MGMT: variants seen among roughly 807,000 people sequenced by gnomAD.
MGMT encodes the protein O-6-methylguanine-DNA methyltransferase.
In MGMT, 14 loss-of-function variants were observed where a neutral mutation model predicts 15.9. The observed-to-expected ratio is 0.88, with a 90% CI of 0.58 to 1.37. The LOEUF (loss-of-function observed/expected upper bound fraction) is 1.37. Among genes scored for constraint, MGMT ranks in the 40% most tolerant of loss-of-function variants. The pLI is 0.00. For synonymous variants in MGMT, 130 were observed against 118.2 expected, an observed-to-expected ratio of 1.10 and a Z score of -0.65; for missense variants, 282 against 268.1, an observed-to-expected ratio of 1.05 and a Z score of -0.36.
intron 3 of MGMT, among the ~76,000 whole-genome samples, chr10:129,710,319 G>T (rs1848217214): frequency 6.6e-6 from 1 of 152,258 alleles, no homozygotes; most frequent in South Asian, 2.1e-4. Flanking sequence ...GTTTTGGGAT[G>T]GTAGTGCGAC....
chr10:129,689,028 C>A (rs369568749), intron 2 of MGMT, among the ~76,000 whole-genome samples: 46 of 152,038 alleles, frequency 3.0e-4, no homozygotes, highest in African/African-American at 8.2e-4. Context: ...GTGGCAAGAT[C>A]TCAGCTCACT....
At chr10:129,762,158 G>A (rs1170413157) in intron 4 of MGMT, among the ~76,000 whole-genome samples, 2 of 152,168 alleles carry the variant, frequency 1.3e-5, no homozygotes, top group African/African-American at 2.4e-5. Flanking sequence ...GGAAGGCTGC[G>A]CACATCCACT....
chr10:129,687,669 G>A (rs1437359185), intron 2 of MGMT, among the ~76,000 whole-genome samples: 3 of 151,218 alleles, frequency 2.0e-5, no homozygotes, highest in South Asian at 4.2e-4. Flanking sequence ...TTCATTGTGG[G>A]CATGTCTGGG....
At chr10:129,604,961 C>T (rs1329433322) in intron 2 of MGMT, among the ~76,000 whole-genome samples, 5 of 152,108 alleles carry the variant, frequency 3.3e-5, no homozygotes, top group Non-Finnish European at 7.4e-5. Context: ...AAATGGGGGC[C>T]CCACTGTCTC....
At chr10:129,626,732 A>T (rs508303) in intron 2 of MGMT, among the ~76,000 whole-genome samples, 61,951 of 152,168 alleles carry the variant, frequency 0.41, 13,778 homozygotes, top group East Asian at 0.62. Context: ...TCTGCCTCTG[A>T]TAACACCGTG....
At chr10:129,657,951 T>C (rs1056721258) in intron 2 of MGMT, among the ~76,000 whole-genome samples, 6 of 152,166 alleles carry the variant, frequency 3.9e-5, no homozygotes, top group Non-Finnish European at 7.3e-5. Flanking sequence ...TTTCTTTGGC[T>C]GAGGAAATTC....
intron 1 of MGMT, among the ~76,000 whole-genome samples, chr10:129,535,256 G>A (rs1303104149): frequency 6.6e-6 from 1 of 152,092 alleles, no homozygotes; most frequent in Non-Finnish European, 1.5e-5. Flanking sequence ...GGCAATGGGA[G>A]GACAGAGGTA....
intron 2 of MGMT, among the ~76,000 whole-genome samples, chr10:129,539,855 T>G (rs973997597): frequency 3.3e-5 from 5 of 152,168 alleles, no homozygotes; most frequent in Non-Finnish European, 7.3e-5. Flanking sequence ...TCCTCTAAAT[T>G]TATTTATTTT....
At chr10:129,521,044 C>G (rs1845804361) in intron 1 of MGMT, among the ~76,000 whole-genome samples, 1 of 152,142 alleles carries the variant, frequency 6.6e-6, no homozygotes, top group Non-Finnish European at 1.5e-5. Context: ...CCTGCTGTCC[C>G]CGGATTCCTG....
At chr10:129,496,941 C>T (rs1845527702) in intron 1 of MGMT, among the ~76,000 whole-genome samples, 1 of 152,058 alleles carries the variant, frequency 6.6e-6, no homozygotes, top group African/African-American at 2.4e-5. Context: ...GATCCGCCTA[C>T]CTCAGCCTCC....
chr10:129,504,126 A>G (rs772017190), intron 1 of MGMT, among the ~76,000 whole-genome samples: 1 of 152,242 alleles, frequency 6.6e-6, no homozygotes, highest in Admixed American at 6.5e-5. Flanking sequence ...GCAGTAATTT[A>G]TAATAAAATA....
chr10:129,747,820 C>G (rs1848711104), intron 3 of MGMT, among the ~76,000 whole-genome samples: 1 of 152,118 alleles, frequency 6.6e-6, no homozygotes, highest in Non-Finnish European at 1.5e-5. Flanking sequence ...TTTAGATGGC[C>G]TAGACAGTGT....
At chr10:129,737,865 T>C (rs4526694) in intron 3 of MGMT, among the ~76,000 whole-genome samples, 84,276 of 151,866 alleles carry the variant, frequency 0.55, 23,616 homozygotes, top group Middle Eastern at 0.71. Context: ...TTAGGCTGCT[T>C]GAGGGTCAGG....
intron 2 of MGMT, among the ~76,000 whole-genome samples, chr10:129,684,985 A>C (rs1847889741): frequency 1.3e-5 from 2 of 152,192 alleles, no homozygotes; most frequent in Non-Finnish European, 2.9e-5. Context: ...GTTCTATGAC[A>C]GGCCCGAGTA....
At chr10:129,531,516 G>T (rs1025753167) in intron 1 of MGMT, among the ~76,000 whole-genome samples, 1 of 152,034 alleles carries the variant, frequency 6.6e-6, no homozygotes, top group African/African-American at 2.4e-5. Flanking sequence ...TGCTCGCCCG[G>T]TGTGCACACC....
At chr10:129,620,619 A>T (rs1204576718) in intron 2 of MGMT, among the ~76,000 whole-genome samples, 1 of 152,172 alleles carries the variant, frequency 6.6e-6, no homozygotes, top group East Asian at 1.9e-4. Flanking sequence ...CTCTGAAGTT[A>T]CTTTGATATT....
chr10:129,519,360 A>G (rs890686954), intron 1 of MGMT, among the ~76,000 whole-genome samples: 1 of 152,200 alleles, frequency 6.6e-6, no homozygotes, highest in Non-Finnish European at 1.5e-5. Context: ...GTATAGAATT[A>G]TATGTTCAAG....
Position 129,721,170 on chromosome 10 carries a change from G to A in MGMT, c.274+13127G>A, listed in dbSNP as rs547355735. 5.3e-5 allele frequency among the ~76,000 whole-genome samples: 8 copies of A among 152,224 alleles called. No individual in the cohort carries two copies. In the East Asian group the frequency reaches 1.5e-3, roughly 29 times the overall value. On this transcript the variant is annotated intron_variant, in intron 3 of 4. Coordinates refer to ENST00000651593, the MANE Select transcript of MGMT (RefSeq NM_002412.5). ...GACAAAGTCATATATATGCCACCCA[G>A]GTGATGTAATAATTTGTTTTCTTCC...
At chr10:129,665,128 T>C (rs200040802) in intron 2 of MGMT, among the ~76,000 whole-genome samples, 3 of 128,936 alleles carry the variant, frequency 2.3e-5, no homozygotes, top group Non-Finnish European at 3.3e-5. Context: ...CACCCACCCA[T>C]CCACTCCTTC....
Sources: allele counts gnomAD v4.1 joint callset (sites outside exome capture counted in the v4.1 genomes callset), GRCh38; gene constraint gnomAD v4.1.1; transcripts MANE v1.5; gene names NCBI Gene and HGNC (gene_info 2026-07-23, HGNC 2026-07-21).